C13orf46: variants seen among roughly 807,000 people sequenced by gnomAD.
C13orf46 encodes chromosome 13 open reading frame 46.
At chr13:113,945,149 C>T in the C13orf46 span, among the ~76,000 whole-genome samples, 186 of 152,310 alleles carry the variant, frequency 1.2e-3, no homozygotes, top group Non-Finnish European at 2.3e-3. Context: ...TCAGGCTCTC[C>T]AGTTGTGCGT....
chr13:113,961,815 G>T (rs2052589086), intron 6 of C13orf46, among the ~76,000 whole-genome samples: 1 of 152,084 alleles, frequency 6.6e-6, no homozygotes. Context: ...TATGAAGTGT[G>T]CAGAGCTGTG....
At chr13:113,965,617 ATGG>A (rs1355518159) in intron 5 of C13orf46, among the ~76,000 whole-genome samples, 47 of 152,134 alleles carry the variant, frequency 3.1e-4, no homozygotes, top group Middle Eastern at 3.4e-3. Context: ...TATACTGGTG[ATGG>A]TGGTGATGAT....
At chr13:113,934,273 G>C in the C13orf46 span, among the ~76,000 whole-genome samples, 1 of 152,208 alleles carries the variant, frequency 6.6e-6, no homozygotes, top group Non-Finnish European at 1.5e-5. Flanking sequence ...GGTTTTCGCT[G>C]TTCCAAATAA....
chr13:113,946,649 C>T, the C13orf46 span, among the ~76,000 whole-genome samples: 3 of 152,240 alleles, frequency 2.0e-5, no homozygotes, highest in Non-Finnish European at 4.4e-5. Flanking sequence ...AGAACGGGGC[C>T]GCAGAGGACG....
the C13orf46 span, among the ~76,000 whole-genome samples, chr13:113,942,486 G>A: frequency 5.9e-5 from 9 of 151,900 alleles, no homozygotes; most frequent in Non-Finnish European, 8.8e-5. Context: ...CAGGAGACTC[G>A]GCAGACACCA....
At chr13:113,938,352 A>G in the C13orf46 span, among the ~76,000 whole-genome samples, 1 of 152,150 alleles carries the variant, frequency 6.6e-6, no homozygotes, top group Non-Finnish European at 1.5e-5. Context: ...AAAGGGCCTC[A>G]GGGTGCTGAA....
the C13orf46 span, among the ~76,000 whole-genome samples, chr13:113,947,869 G>A: frequency 2.0e-5 from 3 of 152,256 alleles, no homozygotes; most frequent in East Asian, 1.9e-4. Context: ...GCCATTGGGA[G>A]GATGACAGCA....
downstream of C13orf46, among the ~76,000 whole-genome samples, chr13:113,950,008 C>T (rs1397475746): frequency 1.3e-5 from 2 of 151,416 alleles, no homozygotes; most frequent in Non-Finnish European, 2.9e-5. Flanking sequence ...TCCTCGCCCC[C>T]TGCCTCGGGC....
At chr13:113,942,172 A>G in the C13orf46 span, among the ~76,000 whole-genome samples, 1 of 152,206 alleles carries the variant, frequency 6.6e-6, no homozygotes, top group Non-Finnish European at 1.5e-5. Context: ...ACTGACCTAC[A>G]CTTTTCACAA....
chr13:113,958,064 G>A (rs2052556130), intron 6 of C13orf46, among the ~76,000 whole-genome samples: 1 of 139,128 alleles, frequency 7.2e-6, no homozygotes, highest in African/African-American at 2.7e-5. Context: ...CACCGGGGGG[G>A]TCTCCCCTGC....
chr13:113,964,647 T>C (rs2052619219), intron 6 of C13orf46, among the ~76,000 whole-genome samples: 11 of 152,326 alleles, frequency 7.2e-5, no homozygotes, highest in East Asian at 3.9e-4. Flanking sequence ...CATCAGGTCC[T>C]TTTCCTGGCT....
the C13orf46 span, among the ~76,000 whole-genome samples, chr13:113,947,603 A>G: frequency 1.3e-5 from 2 of 152,262 alleles, no homozygotes; most frequent in South Asian, 4.1e-4. Context: ...CAGTGGGTGG[A>G]GCGGGGAGCT....
chr13:113,947,961 T>C, the C13orf46 span, among the ~76,000 whole-genome samples: 10 of 152,178 alleles, frequency 6.6e-5, no homozygotes, highest in African/African-American at 1.9e-4. Flanking sequence ...CTGCCCTCTC[T>C]AGGAGCCCAT....
At position 113,970,512 on chromosome 13, in the gene C13orf46, G is replaced by A. The variant is rs1000939124; in HGVS notation, c.191-290C>T. On this transcript the variant is annotated intron_variant, in intron 1 of 6. Transcript: ENST00000636427. ...GACTCAGGGTGAGGCATGGCCAGCC[G>A]CCTTACAGTAAACACATGAGGCTCC... 1,050 of 152,382 alleles carry A rather than the reference G, an allele frequency of 6.9e-3. 12 individuals carry two copies. Among genetic ancestry groups the A allele is most frequent in the African/African-American group, 0.024 (991 of 41,550 alleles). 9.4% of individuals were successfully genotyped at this position (152,382 alleles called of 1,614,324 possible). A position where few individuals can be genotyped will look rare whatever the true frequency, so the allele number is the denominator to read the frequency against.
downstream of C13orf46, among the ~76,000 whole-genome samples, chr13:113,952,409 G>A (rs2052492993): frequency 6.6e-6 from 1 of 151,406 alleles, no homozygotes; most frequent in African/African-American, 2.4e-5. Context: ...CCGCTGTGTG[G>A]CCGCCGCTCC....
intron 6 of C13orf46, among the ~76,000 whole-genome samples, chr13:113,961,555 G>A (rs1227389319): frequency 1.3e-5 from 2 of 151,594 alleles, no homozygotes; most frequent in African/African-American, 4.8e-5. Flanking sequence ...TGTAGTCATT[G>A]TTCTGAAGTA....
intron 5 of C13orf46, among the ~76,000 whole-genome samples, chr13:113,966,480 G>T (rs1046426620): frequency 2.0e-5 from 3 of 150,868 alleles, no homozygotes; most frequent in Non-Finnish European, 2.9e-5. Flanking sequence ...TTATAATGGT[G>T]ATGATGATGG....
intron 1 of C13orf46, among the ~76,000 whole-genome samples, chr13:113,971,641 G>A (rs1481464253): frequency 6.6e-6 from 1 of 152,216 alleles, no homozygotes; most frequent in African/African-American, 2.4e-5. Flanking sequence ...CGTGAAGTCG[G>A]CCACCCCACG....
chr13:113,956,203 G>C lies in C13orf46; in HGVS notation c.*570C>G, dbSNP rs1454456717. The C allele has an allele frequency of 6.4e-6, 1 of 155,488 alleles. No individual in the cohort carries two copies. Among genetic ancestry groups the C allele is most frequent in the Non-Finnish European group, 1.4e-5 (1 of 70,706 alleles). The allele number at this position is 155,488 out of a possible 1,614,324, so 9.6% of individuals were successfully genotyped here. A position where few individuals can be genotyped will look rare whatever the true frequency, so the allele number is the denominator to read the frequency against. On this transcript the variant is annotated 3_prime_UTR_variant, in exon 7 of 7. Transcript: ENST00000636427. Reference sequence around the variant, plus strand: ...AAGGAGCATCCGGTGGAGACGAGGAGCACCCGGTGGAGACGAGGAGCATCT... The same window carrying C: ...AAGGAGCATCCGGTGGAGACGAGGACCACCCGGTGGAGACGAGGAGCATCT...
Sources: gnomAD v4.1 joint callset for allele counts (sites outside exome capture counted in the v4.1 genomes callset) on GRCh38, gnomAD v4.1.1 for gene constraint, MANE v1.5 for transcripts, NCBI Gene and HGNC (gene_info 2026-07-23, HGNC 2026-07-21) for gene names.